Variants in IL7 observed in about 807,000 individuals in gnomAD.
IL7 encodes the protein interleukin-7.
IL7 carries 3 observed loss-of-function variants against 21.6 expected under a neutral mutation model. That is an observed-to-expected ratio of 0.14 (90% CI 0.06 to 0.36). The LOEUF (loss-of-function observed/expected upper bound fraction) is 0.36, where lower values mean the gene tolerates loss of function less well. Among genes scored for constraint, IL7 ranks in the 10% least tolerant of loss-of-function variants. The probability of loss-of-function intolerance (pLI) is 1.00; values close to 1 mark genes in which losing one functional copy is unlikely to be tolerated. For missense variants in IL7, 175 were observed against 200.2 expected (o/e 0.87, Z 0.76); for synonymous variants, 62 against 68.1 (o/e 0.91, Z 0.44).
At chr8:78,690,536 G>T (rs1810176085) in intron 3 of IL7, among the ~76,000 whole-genome samples, 1 of 151,216 alleles carries the variant, frequency 6.6e-6, no homozygotes, top group Non-Finnish European at 1.5e-5. Context: ...CTCCAGCTTG[G>T]GCGACAGAGC....
chr8:78,724,321 G>T (rs1284067602), intron 3 of IL7, among the ~76,000 whole-genome samples: 1 of 151,994 alleles, frequency 6.6e-6, no homozygotes, highest in African/African-American at 2.4e-5. Context: ...CCATGCTATT[G>T]TTGGGCTTGG....
At position 78,777,972 on chromosome 8, in the gene IL7, T is replaced by C. The variant is rs148012046; in HGVS notation, c.147+20100A>G. 3.4e-3 allele frequency among the ~76,000 whole-genome samples: 522 copies of C among 152,158 alleles called. 3 individuals are homozygous for C. The highest frequency in any genetic ancestry group is 0.012 in the African/African-American group (488 of 41,546). ...TCTAGCCATACCCTACCTTCCAACT[T>C]TTCTACATCCAAATCTCCTCTAGAG... On this transcript the variant is annotated intron_variant, in intron 2 of 5. Transcript: ENST00000263851.
downstream of IL7, chr8:78,715,372 T>C: frequency 2.0e-6 from 3 of 1,518,518 alleles, no homozygotes; most frequent in Non-Finnish European, 2.7e-6. Context: ...TAAAATTGAG[T>C]ATATGATAGT....
chr8:78,728,134 A>G (rs1487787327), downstream of IL7, among the ~76,000 whole-genome samples: 1 of 152,020 alleles, frequency 6.6e-6, no homozygotes, highest in African/African-American at 2.4e-5. Flanking sequence ...GAAAAACTAA[A>G]TAGAGAAATA....
At chr8:78,736,222 G>A (rs1194275573) in intron 5 of IL7, among the ~76,000 whole-genome samples, 5 of 129,436 alleles carry the variant, frequency 3.9e-5, no homozygotes, top group African/African-American at 1.8e-4. Flanking sequence ...TTTTAATGCT[G>A]CTTCTTCTAA....
Position 78,762,282 on chromosome 8 carries a change from C to CAGGT in IL7, c.148-22204_148-22201dup, listed in dbSNP as rs1157563559. ...AATCGATAATGTTTATTTAGCTGAT[C>CAGGT]AGGTGTTTTATCTTCTAAGTCTGCT... On this transcript the variant is annotated intron_variant, in intron 2 of 5. Coordinates refer to ENST00000263851, the MANE Select transcript of IL7 (RefSeq NM_000880.4). 3 of 1,584,312 alleles carry CAGGT rather than the reference C, an allele frequency of 1.9e-6. No homozygotes were observed. The East Asian group carries it at 6.7e-5, about 35-fold the overall frequency.
intron 2 of IL7, among the ~76,000 whole-genome samples, chr8:78,795,608 T>A (rs1813828285): frequency 6.6e-6 from 1 of 152,130 alleles, no homozygotes; most frequent in African/African-American, 2.4e-5. Context: ...ACTGAATTTT[T>A]AATAGCATAT....
At chr8:78,681,346 A>G (rs1350403644) in intron 4 of IL7, among the ~76,000 whole-genome samples, 5 of 152,214 alleles carry the variant, frequency 3.3e-5, no homozygotes, top group Non-Finnish European at 7.3e-5. Context: ...ATGAGAAAAA[A>G]GGTAGAAAAG....
intron 5 of IL7, among the ~76,000 whole-genome samples, chr8:78,735,560 G>A (rs987660572): frequency 3.3e-5 from 5 of 151,776 alleles, no homozygotes; most frequent in Non-Finnish European, 5.9e-5. Context: ...CGCCCACCTC[G>A]GACCCCCAAA....
At chr8:78,706,366 G>A (rs183624672) in intron 3 of IL7, among the ~76,000 whole-genome samples, 289 of 152,238 alleles carry the variant, frequency 1.9e-3, no homozygotes, top group Non-Finnish European at 3.1e-3. Context: ...TGGGAAGTTT[G>A]GAGTTCCTGG....
chr8:78,750,241 A>G (rs1812122084), intron 2 of IL7, among the ~76,000 whole-genome samples: 1 of 152,122 alleles, frequency 6.6e-6, no homozygotes, highest in Admixed American at 6.5e-5. Context: ...GGGAAAAAAA[A>G]GAGCAGCACT....
chr8:78,788,825 G>A (rs963895413), intron 2 of IL7, among the ~76,000 whole-genome samples: 1 of 152,172 alleles, frequency 6.6e-6, no homozygotes, highest in African/African-American at 2.4e-5. Context: ...AGAAGGCTGT[G>A]AAGTTTCCAA....
At chr8:78,793,687 A>G (rs1813767412) in intron 2 of IL7, among the ~76,000 whole-genome samples, 2 of 152,114 alleles carry the variant, frequency 1.3e-5, no homozygotes, top group African/African-American at 4.8e-5. Context: ...AAATGAGGCA[A>G]CAATGAAGTT....
chr8:78,712,468 G>A (rs1324745669), intron 3 of IL7, among the ~76,000 whole-genome samples: 3 of 152,074 alleles, frequency 2.0e-5, no homozygotes, highest in African/African-American at 7.2e-5. Flanking sequence ...GTCTTGTACA[G>A]TATATAATAT....
At chr8:78,712,048 G>T (rs1810966194) in intron 3 of IL7, 1 of 1,289,704 alleles carries the variant, frequency 7.8e-7, no homozygotes, top group Admixed American at 2.3e-5. Context: ...AAGGTTGTAT[G>T]ACAGTGATAC....
rs552648827 is a variant in IL7 at position 78,736,429 on chromosome 8, T to TA, written c.414+44dup. 7 of 1,236,914 alleles carry TA rather than the reference T, an allele frequency of 5.7e-6. No homozygotes were observed. In the South Asian group the frequency reaches 8.7e-5, roughly 15 times the overall value. 76.6% of individuals were successfully genotyped at this position (1,236,914 alleles called of 1,614,324 possible). Reference sequence around the variant, plus strand: ...ATGAAAAATTAGGAATTAAGTTGAGTAAAAACCTGATGAACCATAAGGAAA... The same window carrying TA: ...ATGAAAAATTAGGAATTAAGTTGAGTAAAAAACCTGATGAACCATAAGGAAA... On this transcript the variant is annotated intron_variant, in intron 5 of 5. Transcript: ENST00000263851.
chr8:78,762,406 T>C (rs1290832860), intron 2 of IL7: 10 of 1,610,638 alleles, frequency 6.2e-6, no homozygotes, highest in Admixed American at 1.7e-5. Context: ...CCGCGTGCAG[T>C]TGGCGGCAGC....
chr8:78,783,452 A>G (rs1813409123), intron 2 of IL7, among the ~76,000 whole-genome samples: 1 of 150,444 alleles, frequency 6.6e-6, no homozygotes, highest in Non-Finnish European at 1.5e-5. Context: ...GAACCTGGAT[A>G]CCTTAGTTGC....
At chr8:78,771,077 G>A (rs1371384702) in intron 2 of IL7, among the ~76,000 whole-genome samples, 1 of 152,042 alleles carries the variant, frequency 6.6e-6, no homozygotes, top group Non-Finnish European at 1.5e-5. Context: ...AATCACTAAT[G>A]TTCCCACTCC....
Sources: allele counts gnomAD v4.1 joint callset (sites outside exome capture counted in the v4.1 genomes callset), GRCh38; gene constraint gnomAD v4.1.1; transcripts MANE v1.5; gene names NCBI Gene and HGNC (gene_info 2026-07-23, HGNC 2026-07-21).